The following NEBL variants were observed in gnomAD, a reference collection of about 807,000 sequenced individuals.
NEBL encodes nebulette.
Under a neutral mutation model 140.2 loss-of-function variants are expected in NEBL, and 122 were observed. The observed-to-expected ratio is 0.87, with a 90% CI of 0.75 to 1.01. NEBL has a LOEUF of 1.01. Among genes scored for constraint, NEBL ranks in the 50% least tolerant of loss-of-function variants. The pLI, the probability that NEBL is intolerant of heterozygous loss-of-function variation, is 0.00. For missense variants in NEBL, 1,365 were observed against 1,231.3 expected, an observed-to-expected ratio of 1.11 and a Z score of -1.62; for synonymous variants, 436 against 398.9, an observed-to-expected ratio of 1.09 and a Z score of -1.11.
rs568463542 is a variant in NEBL at position 20,795,688 on chromosome 10, C to A, written c.2762-8380G>T. Reference sequence around the variant, plus strand: ...TAAATTTCAAGCCTATGTTCAATATCACGTCTCCTAATGTGACTTCAACCA... The same window carrying A: ...TAAATTTCAAGCCTATGTTCAATATAACGTCTCCTAATGTGACTTCAACCA... On this transcript the variant is annotated intron_variant, in intron 26 of 27. Transcript: ENST00000377122. Among the ~76,000 whole-genome samples the A allele has an allele frequency of 3.9e-5, 6 of 152,192 alleles. No homozygotes were observed. The East Asian group carries it at 1.2e-3, about 29-fold the overall frequency.
intron 4 of NEBL, among the ~76,000 whole-genome samples, chr10:20,951,524 C>G (rs1835462707): frequency 1.3e-5 from 2 of 151,744 alleles, no homozygotes; most frequent in South Asian, 4.2e-4. Flanking sequence ...ATAAAATTTT[C>G]TCTAATTGTA....
At chr10:20,930,652 C>G (rs1173192115) in intron 4 of NEBL, among the ~76,000 whole-genome samples, 1 of 152,164 alleles carries the variant, frequency 6.6e-6, no homozygotes, top group Non-Finnish European at 1.5e-5. Context: ...CTCCTTTTCA[C>G]TGCAGAACTT....
intron 14 of NEBL, 37 bp downstream of exon 14, chr10:20,835,476 T>C (rs775057661): frequency 4.2e-6 from 6 of 1,440,972 alleles, no homozygotes; most frequent in Non-Finnish European, 4.9e-6. Flanking sequence ...GGTTCCAAAA[T>C]ATGAGTCTTA....
chr10:21,146,216 CAT>C, intron 2 of NEBL: 1 of 717,880 alleles, frequency 1.4e-6, no homozygotes, highest in East Asian at 2.6e-5. Flanking sequence ...AAGTTTATTT[CAT>C]GCAGAGGGTA....
chr10:21,255,937 G>A (rs1204981660), intron 1 of NEBL, among the ~76,000 whole-genome samples: 3 of 148,664 alleles, frequency 2.0e-5, no homozygotes, highest in Non-Finnish European at 3.0e-5. Context: ...AGCTGAGATC[G>A]CACCACTGCA....
At chr10:21,177,366 A>G (rs972965044), upstream of NEBL, among the ~76,000 whole-genome samples, 1 of 152,214 alleles carries the variant, frequency 6.6e-6, no homozygotes, top group East Asian at 1.9e-4. Flanking sequence ...TGACGGGAGT[A>G]AGAAATAATT....
At chr10:20,966,689 G>A (rs1836331065) in intron 3 of NEBL, among the ~76,000 whole-genome samples, 1 of 152,154 alleles carries the variant, frequency 6.6e-6, no homozygotes, top group Non-Finnish European at 1.5e-5. Flanking sequence ...GACTAAAAAG[G>A]AAGACTTCTG....
intron 3 of NEBL, among the ~76,000 whole-genome samples, chr10:21,202,804 C>G (rs1476366713): frequency 6.6e-6 from 1 of 152,008 alleles, no homozygotes; most frequent in African/African-American, 2.4e-5. Flanking sequence ...CTTACCAGCT[C>G]CAAAAATGGA....
chr10:21,113,236 C>A, intron 2 of NEBL: 1 of 285,408 alleles, frequency 3.5e-6, no homozygotes, highest in Non-Finnish European at 6.3e-6. Context: ...AAATCATTTC[C>A]ACCATGGAAA....
chr10:20,927,760 T>C (rs1040441493), intron 4 of NEBL, among the ~76,000 whole-genome samples: 2 of 152,164 alleles, frequency 1.3e-5, no homozygotes, highest in African/African-American at 4.8e-5. Context: ...AATCCCAGTT[T>C]TGCAGCCCTG....
intron 4 of NEBL, among the ~76,000 whole-genome samples, chr10:20,949,500 A>C (rs936690314): frequency 6.6e-6 from 1 of 152,216 alleles, no homozygotes; most frequent in Admixed American, 6.5e-5. Context: ...CACAGGTTGG[A>C]GGCAGGAAAA....
chr10:21,148,149 G>A (rs1839981011), intron 2 of NEBL, among the ~76,000 whole-genome samples: 2 of 152,224 alleles, frequency 1.3e-5, no homozygotes, highest in South Asian at 4.1e-4. Flanking sequence ...TCATCAACAA[G>A]ACAAAGATGT....
intron 3 of NEBL, among the ~76,000 whole-genome samples, chr10:20,985,557 T>G (rs1434128662): frequency 1.3e-5 from 2 of 152,176 alleles, no homozygotes; most frequent in Admixed American, 6.6e-5. Context: ...CAATCTAAGC[T>G]GCTAATTAAA....
intron 12 of NEBL, among the ~76,000 whole-genome samples, chr10:20,842,358 C>T (rs1049921778): frequency 1.3e-5 from 2 of 151,906 alleles, no homozygotes; most frequent in African/African-American, 4.8e-5. Context: ...AATAAAAATA[C>T]TTGTTCTAGT....
At chr10:20,830,912 TAAAAAAA>T (rs371760760) in intron 16 of NEBL, among the ~76,000 whole-genome samples, 13 of 92,354 alleles carry the variant, frequency 1.4e-4, no homozygotes, top group South Asian at 4.4e-4. Context: ...CTCTAAAATT[TAAAAAAA>T]AAAAAAAAAA....
intron 26 of NEBL, among the ~76,000 whole-genome samples, chr10:20,800,459 G>C (rs1407560255): frequency 6.6e-6 from 1 of 152,078 alleles, no homozygotes; most frequent in Non-Finnish European, 1.5e-5. Flanking sequence ...TTACAGGGTG[G>C]TGGTTTCATC....
intron 2 of NEBL, among the ~76,000 whole-genome samples, chr10:21,026,544 C>G (rs1052737413): frequency 1.3e-5 from 2 of 152,172 alleles, no homozygotes; most frequent in Non-Finnish European, 2.9e-5. Flanking sequence ...TATTCTAAAT[C>G]GATTATATCC....
chr10:20,940,009 A>G (rs1834761839), intron 4 of NEBL, among the ~76,000 whole-genome samples: 1 of 150,198 alleles, frequency 6.7e-6, no homozygotes, highest in Non-Finnish European at 1.5e-5. Context: ...ACCCACTGTC[A>G]ATATTAGACA....
intron 2 of NEBL, among the ~76,000 whole-genome samples, chr10:21,023,332 A>C (rs929637815): frequency 3.9e-5 from 6 of 152,264 alleles, no homozygotes; most frequent in Admixed American, 2.0e-4. Flanking sequence ...CCTTCATACT[A>C]ACTTGCAGGT....
Sources: gnomAD v4.1 joint callset for allele counts (sites outside exome capture counted in the v4.1 genomes callset) on GRCh38, gnomAD v4.1.1 for gene constraint, MANE v1.5 for transcripts, NCBI Gene and HGNC (gene_info 2026-07-23, HGNC 2026-07-21) for gene names.